Variants in MAF observed in about 807,000 individuals in gnomAD.
MAF encodes the protein MAF bZIP transcription factor, also known as transcription factor Maf.
Under a neutral mutation model 22.0 loss-of-function variants are expected in MAF, and 10 were observed. The ratio of observed to expected loss-of-function variants is 0.45; its 90% confidence interval spans 0.28 to 0.77. The LOEUF (loss-of-function observed/expected upper bound fraction) is 0.77, where lower values mean the gene tolerates loss of function less well. MAF is among the 30% of genes least tolerant of loss of function. The probability of loss-of-function intolerance (pLI) is 0.12; values close to 1 mark genes in which losing one functional copy is unlikely to be tolerated. For synonymous variants in MAF, 337 were observed against 255.8 expected (o/e 1.32, Z -3.03); for missense variants, 544 against 548.4 (o/e 0.99, Z 0.08).
At chr16:79,519,354 G>C in the MAF span, among the ~76,000 whole-genome samples, 3 of 152,204 alleles carry the variant, frequency 2.0e-5, no homozygotes, top group Non-Finnish European at 4.4e-5. Flanking sequence ...GCAACTCCCA[G>C]AGGTTAGGTC....
At chr16:79,269,326 C>T in the MAF span, among the ~76,000 whole-genome samples, 1 of 152,152 alleles carries the variant, frequency 6.6e-6, no homozygotes, top group Non-Finnish European at 1.5e-5. Flanking sequence ...TCACTCACTG[C>T]CCCTAATGGC....
At chr16:79,292,155 T>C in the MAF span, among the ~76,000 whole-genome samples, 1 of 152,040 alleles carries the variant, frequency 6.6e-6, no homozygotes, top group African/African-American at 2.4e-5. Flanking sequence ...TAAGAAGACA[T>C]GTTGAAGTCA....
At chr16:79,467,705 G>T in the MAF span, among the ~76,000 whole-genome samples, 1 of 152,122 alleles carries the variant, frequency 6.6e-6, no homozygotes, top group South Asian at 2.1e-4. Context: ...TGGGGCTGGG[G>T]CCCTGCAGTC....
At chr16:79,547,317 G>A in the MAF span, among the ~76,000 whole-genome samples, 45 of 150,836 alleles carry the variant, frequency 3.0e-4, no homozygotes, top group East Asian at 3.1e-3. Context: ...ATACACATTC[G>A]CCTGTACACA....
At chr16:79,289,100 A>C in the MAF span, among the ~76,000 whole-genome samples, 2 of 152,200 alleles carry the variant, frequency 1.3e-5, no homozygotes, top group African/African-American at 4.8e-5. Flanking sequence ...GGTCTTAGTG[A>C]AGTATGAGGC....
At chr16:79,513,188 C>T in the MAF span, among the ~76,000 whole-genome samples, 13 of 152,364 alleles carry the variant, frequency 8.5e-5, no homozygotes, top group Non-Finnish European at 1.6e-4. Context: ...GGGCGACAGC[C>T]CCTTGCTCCA....
chr16:79,480,170 A>G, the MAF span, among the ~76,000 whole-genome samples: 33 of 152,196 alleles, frequency 2.2e-4, no homozygotes, highest in African/African-American at 7.7e-4. Context: ...CCAACACAGT[A>G]AACGCGTGAG....
At chr16:79,538,035 G>C in the MAF span, among the ~76,000 whole-genome samples, 1 of 152,160 alleles carries the variant, frequency 6.6e-6, no homozygotes, top group East Asian at 1.9e-4. Flanking sequence ...TCTGGCTGCA[G>C]AGTGCAGAGT....
chr16:79,460,390 C>A, the MAF span, among the ~76,000 whole-genome samples: 9 of 152,168 alleles, frequency 5.9e-5, no homozygotes, highest in Admixed American at 1.3e-4. Context: ...AATAAGCTCT[C>A]TTTTCCAACC....
chr16:79,374,126 G>C, the MAF span, among the ~76,000 whole-genome samples: 1 of 152,114 alleles, frequency 6.6e-6, no homozygotes, highest in Non-Finnish European at 1.5e-5. Flanking sequence ...CATGTAGAAG[G>C]TACCCTGGGG....
chr16:79,562,591 G>C, the MAF span, among the ~76,000 whole-genome samples: 1 of 152,158 alleles, frequency 6.6e-6, no homozygotes, highest in South Asian at 2.1e-4. Context: ...TTTCAGCCTT[G>C]TCCCTGAACA....
At chr16:79,332,775 G>A in the MAF span, among the ~76,000 whole-genome samples, 3 of 152,210 alleles carry the variant, frequency 2.0e-5, no homozygotes, top group African/African-American at 7.2e-5. Context: ...GCCTACACAA[G>A]AGGAAAGCAG....
chr16:79,211,810 C>G, the MAF span: 4 of 1,613,896 alleles, frequency 2.5e-6, no homozygotes, highest in South Asian at 2.2e-5. Flanking sequence ...GAGCTCAGAG[C>G]GGATGGGCAC....
At chr16:79,224,942 G>C in the MAF span, among the ~76,000 whole-genome samples, 2 of 152,166 alleles carry the variant, frequency 1.3e-5, no homozygotes, top group Non-Finnish European at 1.5e-5. Flanking sequence ...ACTGCCCAAA[G>C]CAATTTATAG....
the MAF span, among the ~76,000 whole-genome samples, chr16:79,382,576 C>T: frequency 2.6e-5 from 4 of 152,282 alleles, no homozygotes; most frequent in Admixed American, 6.5e-5. Context: ...GAGAATGGCA[C>T]ACCTGATCAG....
the MAF span, among the ~76,000 whole-genome samples, chr16:79,232,305 A>T: frequency 6.6e-6 from 1 of 152,078 alleles, no homozygotes; most frequent in Non-Finnish European, 1.5e-5. Context: ...GGAGATATGA[A>T]TATAGGCATG....
the MAF span, among the ~76,000 whole-genome samples, chr16:79,239,847 G>A: frequency 3.9e-5 from 6 of 152,006 alleles, no homozygotes; most frequent in South Asian, 2.1e-4. Flanking sequence ...GGGGTAAGGC[G>A]CTGGGAATGG....
At chr16:79,493,820 A>C in the MAF span, among the ~76,000 whole-genome samples, 4 of 152,256 alleles carry the variant, frequency 2.6e-5, no homozygotes, top group East Asian at 7.7e-4. Flanking sequence ...AGTTCCAAGG[A>C]AAGACTTTGC....
At chr16:79,223,902 G>C in the MAF span, among the ~76,000 whole-genome samples, 1 of 152,050 alleles carries the variant, frequency 6.6e-6, no homozygotes, top group African/African-American at 2.4e-5. Context: ...CAGGACCAGA[G>C]GGATTCAAAG....
Sources: allele counts gnomAD v4.1 joint callset (sites outside exome capture counted in the v4.1 genomes callset), GRCh38; gene constraint gnomAD v4.1.1; transcripts MANE v1.5; gene names NCBI Gene and HGNC (gene_info 2026-07-23, HGNC 2026-07-21).